Variants in KIFAP3 observed in about 807,000 individuals in gnomAD.
The protein encoded by KIFAP3 is kinesin-associated protein 3.
Under a neutral mutation model 106.5 loss-of-function variants are expected in KIFAP3, and 68 were observed. The observed-to-expected ratio is 0.64, with a 90% confidence interval of 0.53 to 0.78. The LOEUF (loss-of-function observed/expected upper bound fraction) is 0.78, where lower values mean the gene tolerates loss of function less well. KIFAP3 is among the 30% of genes least tolerant of loss of function. KIFAP3 has a pLI of 0.00. For synonymous variants in KIFAP3, 320 were observed against 311.5 expected (o/e 1.03, Z -0.29); for missense variants, 780 against 941.8 (o/e 0.83, Z 2.25).
chr1:170,043,004 T>A (rs1268618725), intron 3 of KIFAP3, among the ~76,000 whole-genome samples: 2 of 152,198 alleles, frequency 1.3e-5, no homozygotes, highest in Non-Finnish European at 2.9e-5. Context: ...ATGCATCCAG[T>A]GAACCAGCTC....
At chr1:169,977,139 A>G (rs1666258281) in intron 16 of KIFAP3, among the ~76,000 whole-genome samples, 1 of 152,224 alleles carries the variant, frequency 6.6e-6, no homozygotes, top group Admixed American at 6.5e-5. Flanking sequence ...CACATAAGCC[A>G]GTATCTGTTT....
intron 17 of KIFAP3, among the ~76,000 whole-genome samples, chr1:169,961,968 C>T (rs1571566619): frequency 1.3e-5 from 2 of 151,948 alleles, no homozygotes; most frequent in African/African-American, 4.8e-5. Context: ...GGGATTGGTC[C>T]CCTAATACCT....
intron 10 of KIFAP3, among the ~76,000 whole-genome samples, chr1:170,014,206 T>C (rs1668392467): frequency 3.9e-5 from 6 of 152,228 alleles, no homozygotes; most frequent in Non-Finnish European, 8.8e-5. Context: ...AGCAGATTTC[T>C]GATTATAACC....
rs12239170 is a variant in KIFAP3, at chr1:170,021,151, G to A, written c.1020+3267C>T. Among the ~76,000 whole-genome samples the A allele has an allele frequency of 6.7e-3, 1,022 of 152,080 alleles. 11 individuals are homozygous for A. Among genetic ancestry groups the A allele is most frequent in the African/African-American group, 0.023 (962 of 41,496 alleles). ...GCAGTAAGAAAATTAAGCAAACTACGCAACATATATCCTCTCTGTTGTTCC... is the reference window on the plus strand; with the variant it reads ...GCAGTAAGAAAATTAAGCAAACTACACAACATATATCCTCTCTGTTGTTCC... On this transcript the variant is annotated intron_variant, in intron 9 of 19. Transcript: ENST00000361580.
chr1:169,998,766 C>T (rs1361166941), intron 10 of KIFAP3, among the ~76,000 whole-genome samples: 1 of 152,130 alleles, frequency 6.6e-6, no homozygotes, highest in Non-Finnish European at 1.5e-5. Context: ...TATTTTCTTT[C>T]TCTTCTAAAT....
intron 19 of KIFAP3, among the ~76,000 whole-genome samples, chr1:169,923,587 G>C (rs915799410): frequency 1.3e-5 from 2 of 152,146 alleles, no homozygotes; most frequent in Non-Finnish European, 1.5e-5. Flanking sequence ...AATAGCAGTA[G>C]ACTTAGGTTA....
chr1:169,996,121 C>T (rs1043788249), intron 10 of KIFAP3, among the ~76,000 whole-genome samples: 3 of 152,038 alleles, frequency 2.0e-5, no homozygotes, highest in Non-Finnish European at 4.4e-5. Flanking sequence ...TAGGATGATT[C>T]ATTTTGCAGC....
chr1:169,981,869 A>G, intron 15 of KIFAP3, 103 bp downstream of exon 15: 1 of 907,914 alleles, frequency 1.1e-6, no homozygotes, highest in Non-Finnish European at 1.6e-6. Context: ...GAAACAATTA[A>G]TGTAATGAGA....
intron 2 of KIFAP3, among the ~76,000 whole-genome samples, chr1:170,051,294 C>A (rs543894): frequency 1.3e-5 from 2 of 151,990 alleles, no homozygotes; most frequent in South Asian, 2.1e-4. Context: ...CCTAACTCTC[C>A]TAAATATATA....
intron 6 of KIFAP3, among the ~76,000 whole-genome samples, chr1:170,034,960 C>G (rs947875794): frequency 6.6e-6 from 1 of 151,918 alleles, no homozygotes; most frequent in Non-Finnish European, 1.5e-5. Context: ...AATACTAGCA[C>G]ATTTTTAGAA....
intron 3 of KIFAP3, among the ~76,000 whole-genome samples, chr1:170,040,481 C>T (rs1468039878): frequency 6.6e-6 from 1 of 151,974 alleles, no homozygotes; most frequent in African/African-American, 2.4e-5. Flanking sequence ...CAAGATAAAA[C>T]CACTGATTTG....
At chr1:170,015,594 T>C (rs1668465160) in intron 10 of KIFAP3, among the ~76,000 whole-genome samples, 1 of 152,148 alleles carries the variant, frequency 6.6e-6, no homozygotes, top group Non-Finnish European at 1.5e-5. Context: ...CAATTTACTT[T>C]CTGGTTAAGA....
chr1:170,051,303 T>A (rs1450789876), intron 2 of KIFAP3, among the ~76,000 whole-genome samples: 3 of 151,888 alleles, frequency 2.0e-5, no homozygotes, highest in African/African-American at 7.3e-5. Flanking sequence ...CCTAAATATA[T>A]ATGCACCCAA....
chr1:170,041,957 G>A (rs1670003891), intron 3 of KIFAP3: 1 of 909,784 alleles, frequency 1.1e-6, no homozygotes, highest in African/African-American at 1.7e-5. Context: ...TGGTTTTAGA[G>A]TTCTGACTTA....
chr1:169,940,718 G>A (rs1340369061), intron 19 of KIFAP3, among the ~76,000 whole-genome samples: 1 of 152,182 alleles, frequency 6.6e-6, no homozygotes, highest in African/African-American at 2.4e-5. Context: ...CCATGGACAG[G>A]TACTGGCCTG....
chr1:169,971,376 TTAAA>T (rs1171736464), intron 17 of KIFAP3, among the ~76,000 whole-genome samples: 1 of 152,048 alleles, frequency 6.6e-6, no homozygotes, highest in Non-Finnish European at 1.5e-5. Context: ...TCTAGGCACA[TTAAA>T]TATTCTGTAT....
At chr1:170,030,101 T>C (rs949695648) in intron 8 of KIFAP3, among the ~76,000 whole-genome samples, 8 of 151,756 alleles carry the variant, frequency 5.3e-5, no homozygotes, top group African/African-American at 1.7e-4. Flanking sequence ...AAAACCATGA[T>C]CCAAAAAACA....
chr1:170,060,546 T>C (rs1034345677), intron 1 of KIFAP3, among the ~76,000 whole-genome samples: 1 of 152,200 alleles, frequency 6.6e-6, no homozygotes, highest in Non-Finnish European at 1.5e-5. Flanking sequence ...TCCATGCTCA[T>C]GGATAGGAAG....
intron 9 of KIFAP3, among the ~76,000 whole-genome samples, chr1:170,020,410 C>A (rs561432306): frequency 2.0e-5 from 3 of 152,264 alleles, no homozygotes; most frequent in African/African-American, 7.2e-5. Flanking sequence ...ATTAATGGAA[C>A]AGAAACCAGA....
Sources: gnomAD v4.1 joint callset for allele counts (sites outside exome capture counted in the v4.1 genomes callset) on GRCh38, gnomAD v4.1.1 for gene constraint, MANE v1.5 for transcripts, NCBI Gene and HGNC (gene_info 2026-07-23, HGNC 2026-07-21) for gene names.